The following HMBOX1 variants were observed in gnomAD, a reference collection of about 807,000 sequenced individuals.
The protein encoded by HMBOX1 is homeobox containing 1.
A neutral mutation model predicts 54.5 loss-of-function variants in HMBOX1; 14 were observed. The ratio of observed to expected loss-of-function variants is 0.26; its 90% confidence interval spans 0.17 to 0.40. The LOEUF (loss-of-function observed/expected upper bound fraction) is 0.40, where lower values mean the gene tolerates loss of function less well. HMBOX1 is among the 10% of genes least tolerant of loss of function. The pLI is 1.00. For synonymous variants in HMBOX1, 160 were observed against 181.0 expected, an observed-to-expected ratio of 0.88 and a Z score of 0.93; for missense variants, 332 against 514.4, an observed-to-expected ratio of 0.65 and a Z score of 3.43.
At chr8:29,022,608 A>G (rs1281299002) in intron 6 of HMBOX1, among the ~76,000 whole-genome samples, 2 of 152,170 alleles carry the variant, frequency 1.3e-5, no homozygotes, top group Admixed American at 6.5e-5. Context: ...GCTAAAGAAC[A>G]AAAAACTCTG....
intron 1 of HMBOX1, among the ~76,000 whole-genome samples, chr8:28,953,920 G>A (rs1016732709): frequency 1.3e-5 from 2 of 152,128 alleles, no homozygotes; most frequent in Non-Finnish European, 2.9e-5. Context: ...CTGTATGCAG[G>A]CCTATGCATA....
chr8:28,897,645 C>T (rs1265509660), intron 1 of HMBOX1, among the ~76,000 whole-genome samples: 1 of 152,122 alleles, frequency 6.6e-6, no homozygotes, highest in Non-Finnish European at 1.5e-5. Flanking sequence ...CACTGCACAC[C>T]AGATTGGGCA....
At chr8:29,029,606 A>G (rs1261640498) in intron 6 of HMBOX1, among the ~76,000 whole-genome samples, 1 of 152,224 alleles carries the variant, frequency 6.6e-6, no homozygotes, top group Non-Finnish European at 1.5e-5. Flanking sequence ...CATCTAGTTC[A>G]GTTTGTTGTT....
At chr8:29,021,451 A>C (rs1169108775) in intron 6 of HMBOX1, among the ~76,000 whole-genome samples, 1 of 152,142 alleles carries the variant, frequency 6.6e-6, no homozygotes, top group Non-Finnish European at 1.5e-5. Context: ...TTGGAAAAAA[A>C]AATTGCAACT....
intron 4 of HMBOX1, among the ~76,000 whole-genome samples, chr8:28,991,166 G>A (rs1450648750): frequency 6.6e-6 from 1 of 151,972 alleles, no homozygotes; most frequent in East Asian, 1.9e-4. Context: ...TGGATCTTAG[G>A]GCTTGTGCCC....
At position 29,051,109 on chromosome 8, in the gene HMBOX1, G is replaced by A. The variant is rs371243883; in HGVS notation, c.1217G>A (p.Arg406Gln). The change falls in exon 10 of 10, where the codon CGA (arginine) becomes CAA (glutamine). Residue 406 changes from arginine to glutamine, a missense_variant. By Grantham distance (43) the Arg-to-Gln change is conservative (BLOSUM62 1). Transcript: ENST00000287701. ...AVNHTILALA[R>Q]QGANEIKTEA... The stretch of plus-strand genomic sequence containing the variant: ...AACCACACTATCTTGGCATTGGCCC[G>A]ACAAGGAGCCAACGAAATCAAGACA... The A allele has an allele frequency of 6.4e-5, 103 of 1,613,582 alleles. No individual in the cohort carries two copies. Among genetic ancestry groups the A allele is most frequent in the Non-Finnish European group, 7.5e-5 (89 of 1,179,966 alleles).
intron 4 of HMBOX1, among the ~76,000 whole-genome samples, chr8:28,983,090 C>T (rs1294857307): frequency 6.6e-6 from 1 of 152,258 alleles, no homozygotes; most frequent in African/African-American, 2.4e-5. Context: ...CCACGTGGAC[C>T]TTTCTTTTGC....
intron 5 of HMBOX1, among the ~76,000 whole-genome samples, chr8:29,017,721 C>G (rs994225220): frequency 6.6e-6 from 1 of 152,024 alleles, no homozygotes; most frequent in Non-Finnish European, 1.5e-5. Context: ...TTTTGGACAT[C>G]TGTGTAAGAG....
intron 1 of HMBOX1, among the ~76,000 whole-genome samples, chr8:28,893,831 A>G (rs938494111): frequency 2.0e-5 from 3 of 152,202 alleles, no homozygotes; most frequent in South Asian, 4.1e-4. Flanking sequence ...TCTCCTGTAC[A>G]CTGTATTCAG....
In HMBOX1 at chr8:29,051,671, G is replaced by A; in HGVS notation, c.*516G>A. On this transcript the variant is annotated 3_prime_UTR_variant, in exon 10 of 10. Transcript: ENST00000287701. ...TCAGCGTGAGGATAATTGATTTCCAGCTGCAATAAGCCGTGCCTCATTATA... is the reference window on the plus strand; with the variant it reads ...TCAGCGTGAGGATAATTGATTTCCAACTGCAATAAGCCGTGCCTCATTATA... The A allele has an allele frequency of 1.4e-6, 1 of 699,178 alleles. No homozygotes were observed. The highest frequency in any genetic ancestry group is 2.6e-6 in the Non-Finnish European group (1 of 381,934). 43.3% of individuals were successfully genotyped at this position (699,178 alleles called of 1,614,324 possible). A position where few individuals can be genotyped will look rare whatever the true frequency, so the allele number is the denominator to read the frequency against.
At chr8:29,032,744 C>T (rs1803202486) in intron 6 of HMBOX1, among the ~76,000 whole-genome samples, 1 of 152,148 alleles carries the variant, frequency 6.6e-6, no homozygotes, top group Non-Finnish European at 1.5e-5. Flanking sequence ...TCTGATATTA[C>T]AGAGTGTCAC....
At chr8:28,935,243 G>T (rs762267254) in intron 1 of HMBOX1, among the ~76,000 whole-genome samples, 7 of 152,120 alleles carry the variant, frequency 4.6e-5, no homozygotes, top group Non-Finnish European at 8.8e-5. Context: ...ATCCCTGGGA[G>T]GCTTTTATAG....
At chr8:28,960,434 G>A (rs1030745818) in intron 1 of HMBOX1, among the ~76,000 whole-genome samples, 3 of 151,026 alleles carry the variant, frequency 2.0e-5, no homozygotes, top group African/African-American at 7.3e-5. Flanking sequence ...TTGTTTTACC[G>A]TGTTTGTGAT....
intron 4 of HMBOX1, among the ~76,000 whole-genome samples, chr8:29,001,596 G>C (rs1832678889): frequency 6.7e-6 from 1 of 148,644 alleles, no homozygotes; most frequent in South Asian, 2.1e-4. Context: ...AACAAAACAA[G>C]ACATTTAGGT....
At chr8:29,016,612 T>G (rs1048224803) in intron 5 of HMBOX1, among the ~76,000 whole-genome samples, 5 of 152,230 alleles carry the variant, frequency 3.3e-5, no homozygotes, top group African/African-American at 1.2e-4. Context: ...GGCTCAGAGT[T>G]CTGTAGAGGT....
At chr8:28,994,435 A>G (rs1221158671) in intron 4 of HMBOX1, among the ~76,000 whole-genome samples, 1 of 152,244 alleles carries the variant, frequency 6.6e-6, no homozygotes, top group Non-Finnish European at 1.5e-5. Context: ...TATAGATACC[A>G]ACATTATACC....
chr8:29,008,156 T>C (rs1220793441), intron 4 of HMBOX1, among the ~76,000 whole-genome samples: 1 of 152,206 alleles, frequency 6.6e-6, no homozygotes, highest in Non-Finnish European at 1.5e-5. Context: ...AATGGTCTTT[T>C]GGAAACTGCC....
intron 1 of HMBOX1, among the ~76,000 whole-genome samples, chr8:28,902,233 CT>C (rs1181710647): frequency 2.6e-5 from 4 of 152,150 alleles, no homozygotes; most frequent in Non-Finnish European, 5.9e-5. Context: ...TCTGGTACCC[CT>C]GTCGCTGGTA....
chr8:28,926,845 T>C (rs1818606941), intron 1 of HMBOX1, among the ~76,000 whole-genome samples: 1 of 152,202 alleles, frequency 6.6e-6, no homozygotes, highest in Non-Finnish European at 1.5e-5. Context: ...ACACTTGGCC[T>C]GTAAAAGAAG....
Sources: gnomAD v4.1 joint callset for allele counts (sites outside exome capture counted in the v4.1 genomes callset) on GRCh38, gnomAD v4.1.1 for gene constraint, MANE v1.5 for transcripts, NCBI Gene and HGNC (gene_info 2026-07-23, HGNC 2026-07-21) for gene names.